The following LRBA variants were observed in gnomAD, a reference collection of about 807,000 sequenced individuals.
LRBA encodes the protein lipopolysaccharide-responsive and beige-like anchor protein.
LRBA carries 176 observed loss-of-function variants against 330.0 expected under a neutral mutation model. That is an observed-to-expected ratio of 0.53 (90% CI 0.47 to 0.60). The LOEUF is 0.60. Ranked by LOEUF, LRBA falls within the 20% of genes least tolerant of loss-of-function variation. LRBA has a pLI of 0.00. For synonymous variants in LRBA, 1,230 were observed against 1,193.0 expected (o/e 1.03, Z -0.64); for missense variants, 3,259 against 3,444.8 (o/e 0.95, Z 1.35).
chr4:150,817,359 A>G lies in LRBA; in HGVS notation c.5172-102T>C. 1.0e-5 allele frequency: 11 copies of G among 1,059,036 alleles called. No homozygotes were observed. The South Asian group carries it at 1.5e-4, about 15-fold the overall frequency. 65.6% of individuals were successfully genotyped at this position (1,059,036 alleles called of 1,614,324 possible). On this transcript the variant is annotated intron_variant, in intron 30 of 56. Transcript: ENST00000651943. ...ACTAGGTAGCTAACTTATTTTTCTA[A>G]TTTTCTTTCTTATTTCTATTTGATG...
chr4:150,614,982 A>T (rs12510904), intron 37 of LRBA, among the ~76,000 whole-genome samples: 107,912 of 152,208 alleles, frequency 0.71, 45,050 homozygotes, highest in Non-Finnish European at 0.91. Context: ...GGTAATAGGG[A>T]ACATGTTAAC....
intron 53 of LRBA, among the ~76,000 whole-genome samples, chr4:150,289,330 C>A (rs1239858677): frequency 1.3e-5 from 2 of 152,118 alleles, no homozygotes; most frequent in African/African-American, 4.8e-5. Flanking sequence ...AGGATTTCTT[C>A]TTTTCCTAGG....
intron 37 of LRBA, among the ~76,000 whole-genome samples, chr4:150,624,838 T>C (rs1776692717): frequency 6.6e-6 from 1 of 152,150 alleles, no homozygotes; most frequent in Non-Finnish European, 1.5e-5. Flanking sequence ...CAATTAAAAG[T>C]AATTAAGGTT....
chr4:150,627,885 G>A (rs1777008953), intron 37 of LRBA, among the ~76,000 whole-genome samples: 1 of 151,994 alleles, frequency 6.6e-6, no homozygotes, highest in Non-Finnish European at 1.5e-5. Context: ...CCTCTTTGAA[G>A]TCAACTTTTC....
intron 2 of LRBA, among the ~76,000 whole-genome samples, chr4:150,973,297 A>T (rs953897667): frequency 5.9e-5 from 9 of 152,126 alleles, no homozygotes; most frequent in Non-Finnish European, 1.2e-4. Flanking sequence ...CCTCCCGAGT[A>T]GCTGGGATTA....
In LRBA at chr4:150,774,782, G is replaced by C. The variant is rs1330084330; in HGVS notation, c.5581-12935C>G. ...ACCCAGCTTCCCCTTCCTTCACAAAGTTCTGGTCCTGTAAATTGGCTCAAC... is the reference window on the plus strand; with the variant it reads ...ACCCAGCTTCCCCTTCCTTCACAAACTTCTGGTCCTGTAAATTGGCTCAAC... On this transcript the variant is annotated intron_variant, in intron 34 of 56. Coordinates refer to ENST00000651943, the MANE Select transcript of LRBA (RefSeq NM_001364905.1). 2.6e-5 allele frequency among the ~76,000 whole-genome samples: 4 copies of C among 152,224 alleles called. No homozygotes were observed. The East Asian group carries it at 7.7e-4, about 29-fold the overall frequency.
At position 150,489,058 on chromosome 4, in the gene LRBA, A is replaced by ATCTT. The variant is rs1561249017; in HGVS notation, c.6449-1225_6449-1224insAAGA. 3.5e-5 allele frequency among the ~76,000 whole-genome samples: 4 copies of ATCTT among 113,904 alleles called. No homozygotes were observed. In the South Asian group the frequency reaches 9.7e-4, roughly 28 times the overall value. The allele number at this position is 113,904 out of a possible 152,430, so 74.7% of individuals were successfully genotyped here. On this transcript the variant is annotated intron_variant, in intron 41 of 56. Transcript: ENST00000651943. ...TTATATATAATATATTATATATAAG[A>ATCTT]ATATATAATATATTATATATAATAT...
At chr4:150,474,082 T>G (rs774600435) in intron 42 of LRBA, among the ~76,000 whole-genome samples, 4 of 152,158 alleles carry the variant, frequency 2.6e-5, no homozygotes, top group Non-Finnish European at 5.9e-5. Flanking sequence ...TCTCCTATGT[T>G]TTCTTTCTGA....
chr4:150,534,372 TAA>T (rs1473367142), intron 40 of LRBA, among the ~76,000 whole-genome samples: 60 of 146,596 alleles, frequency 4.1e-4, no homozygotes, highest in South Asian at 2.6e-3. Flanking sequence ...ATAATAATAA[TAA>T]TAATTTTTTT....
chr4:150,570,486 T>C (rs1228456592), intron 40 of LRBA, among the ~76,000 whole-genome samples: 1 of 152,102 alleles, frequency 6.6e-6, no homozygotes, highest in Non-Finnish European at 1.5e-5. Context: ...ATGACAAGCA[T>C]TGCAAATGCC....
intron 42 of LRBA, among the ~76,000 whole-genome samples, chr4:150,473,053 G>A (rs760291096): frequency 2.7e-4 from 41 of 152,150 alleles, no homozygotes; most frequent in African/African-American, 8.7e-4. Context: ...TTGAGAAACC[G>A]CCAAATTGTT....
intron 56 of LRBA, among the ~76,000 whole-genome samples, chr4:150,271,230 T>C (rs561872788): frequency 7.0e-4 from 106 of 152,090 alleles, no homozygotes; most frequent in Non-Finnish European, 1.2e-3. Context: ...GGAGATTCCC[T>C]TGGGTGCCTA....
At chr4:150,867,220 C>T (rs1752829582) in intron 22 of LRBA, among the ~76,000 whole-genome samples, 1 of 151,874 alleles carries the variant, frequency 6.6e-6, no homozygotes, top group African/African-American at 2.4e-5. Context: ...TACTCATCCA[C>T]CTTACGTTGC....
At chr4:151,000,608 G>A (rs1328007737) in intron 2 of LRBA, among the ~76,000 whole-genome samples, 3 of 152,152 alleles carry the variant, frequency 2.0e-5, no homozygotes, top group African/African-American at 4.8e-5. Flanking sequence ...TGGATACGCT[G>A]GACAAAGGGA....
intron 40 of LRBA, among the ~76,000 whole-genome samples, chr4:150,525,448 G>A (rs992682667): frequency 5.9e-5 from 9 of 152,198 alleles, no homozygotes; most frequent in Admixed American, 1.3e-4. Context: ...GTCTGTGTGT[G>A]GGAAAATGGG....
At chr4:150,423,410 C>T (rs1054924710) in intron 46 of LRBA, 53 of 628,882 alleles carry the variant, frequency 8.4e-5, no homozygotes, top group Admixed American at 1.7e-4. Context: ...CTTCCTTCTG[C>T]GCTTCTTTTT....
intron 25 of LRBA, 110 bp downstream of exon 25, chr4:150,849,312 T>C (rs1266376001): frequency 1.1e-6 from 1 of 921,886 alleles, no homozygotes; most frequent in East Asian, 2.5e-5. Flanking sequence ...TATTGTTTTT[T>C]ATTTATAGCA....
intron 42 of LRBA, among the ~76,000 whole-genome samples, chr4:150,475,502 T>C (rs547334998): frequency 4.7e-4 from 71 of 152,314 alleles, no homozygotes; most frequent in African/African-American, 1.6e-3. Flanking sequence ...TTTGAGCCAG[T>C]TTTGGCAATT....
At chr4:150,292,538 A>T (rs1250174342) in intron 53 of LRBA, among the ~76,000 whole-genome samples, 1 of 152,202 alleles carries the variant, frequency 6.6e-6, no homozygotes, top group African/African-American at 2.4e-5. Flanking sequence ...TACAACTAAA[A>T]TTATTTCTTC....
Sources: allele counts gnomAD v4.1 joint callset (sites outside exome capture counted in the v4.1 genomes callset), GRCh38; gene constraint gnomAD v4.1.1; transcripts MANE v1.5; gene names NCBI Gene and HGNC (gene_info 2026-07-23, HGNC 2026-07-21).